Variants in PIP4K2A observed in about 807,000 individuals in gnomAD.
PIP4K2A encodes phosphatidylinositol-5-phosphate 4-kinase type 2 alpha, also known as phosphatidylinositol 5-phosphate 4-kinase type-2 alpha.
In PIP4K2A, 14 loss-of-function variants were observed where a neutral mutation model predicts 42.9. The ratio of observed to expected loss-of-function variants is 0.33; its 90% CI spans 0.22 to 0.51. The LOEUF (loss-of-function observed/expected upper bound fraction) is 0.51. PIP4K2A is among the 20% of genes least tolerant of loss of function. The pLI is 0.97. For synonymous variants in PIP4K2A, 192 were observed against 192.2 expected (o/e 1.00, Z 0.01); for missense variants, 434 against 519.8 (o/e 0.83, Z 1.61).
intron 1 of PIP4K2A, among the ~76,000 whole-genome samples, chr10:22,626,025 G>A (rs1778312): frequency 0.058 from 8,890 of 152,124 alleles, 423 homozygotes; most frequent in African/African-American, 0.13. Context: ...GCTGGACTCT[G>A]GAGTCTTGAA....
chr10:22,650,729 G>C (rs536326499), intron 1 of PIP4K2A, among the ~76,000 whole-genome samples: 14 of 152,306 alleles, frequency 9.2e-5, no homozygotes, highest in Admixed American at 5.2e-4. Flanking sequence ...CTAGCAGGAT[G>C]AGATACATGA....
chr10:22,690,179 A>G (rs974741428), intron 1 of PIP4K2A, among the ~76,000 whole-genome samples: 2 of 149,456 alleles, frequency 1.3e-5, no homozygotes, highest in Non-Finnish European at 3.0e-5. Flanking sequence ...CCTCAAAAAA[A>G]CCCTATTTTG....
At chr10:22,691,010 C>T (rs761831715) in intron 1 of PIP4K2A, among the ~76,000 whole-genome samples, 8 of 152,280 alleles carry the variant, frequency 5.3e-5, no homozygotes, top group East Asian at 3.9e-4. Flanking sequence ...TGGTCCCCCA[C>T]GTAACCCCCT....
intron 1 of PIP4K2A, among the ~76,000 whole-genome samples, chr10:22,697,085 A>G (rs1436430061): frequency 6.6e-6 from 1 of 151,460 alleles, no homozygotes; most frequent in Non-Finnish European, 1.5e-5. Flanking sequence ...TAAGAGCTCT[A>G]CTTTTTTCCT....
At chr10:22,595,892 G>T (rs1317709433) in intron 3 of PIP4K2A, among the ~76,000 whole-genome samples, 1 of 152,012 alleles carries the variant, frequency 6.6e-6, no homozygotes, top group Non-Finnish European at 1.5e-5. Context: ...CTCTACCTTG[G>T]ATCTTTTATG....
intron 1 of PIP4K2A, among the ~76,000 whole-genome samples, chr10:22,634,643 C>T (rs1453340673): frequency 6.6e-6 from 1 of 152,148 alleles, no homozygotes; most frequent in Non-Finnish European, 1.5e-5. Context: ...CTTATGTATT[C>T]CTGTCCAAGG....
chr10:22,581,750 A>G (rs943401569), intron 4 of PIP4K2A, among the ~76,000 whole-genome samples: 4 of 151,926 alleles, frequency 2.6e-5, no homozygotes, highest in Non-Finnish European at 4.4e-5. Flanking sequence ...GGCTTTTTAC[A>G]TTTTTCTCAT....
intron 1 of PIP4K2A, among the ~76,000 whole-genome samples, chr10:22,660,037 C>G (rs577856993): frequency 6.6e-6 from 1 of 152,256 alleles, no homozygotes; most frequent in Admixed American, 6.5e-5. Flanking sequence ...ACCACCCCCA[C>G]AAACTTTGAT....
intron 1 of PIP4K2A, among the ~76,000 whole-genome samples, chr10:22,704,234 T>C (rs902509951): frequency 2.0e-5 from 3 of 151,954 alleles, no homozygotes; most frequent in Non-Finnish European, 4.4e-5. Context: ...ATTTCCAGAC[T>C]GAGCAAAAGA....
intron 1 of PIP4K2A, among the ~76,000 whole-genome samples, chr10:22,653,805 C>T (rs901974781): frequency 2.6e-5 from 4 of 152,220 alleles, no homozygotes; most frequent in African/African-American, 7.2e-5. Context: ...ATCCAGAAGG[C>T]GGAGGTTGCA....
intron 1 of PIP4K2A, among the ~76,000 whole-genome samples, chr10:22,692,244 A>G (rs1839886603): frequency 6.6e-6 from 1 of 152,116 alleles, no homozygotes; most frequent in East Asian, 1.9e-4. Context: ...TGCAGTTCAC[A>G]ATAGGGTTTG....
chr10:22,555,313 C>T (rs1254795137), intron 6 of PIP4K2A, among the ~76,000 whole-genome samples: 2 of 152,128 alleles, frequency 1.3e-5, no homozygotes, highest in Non-Finnish European at 2.9e-5. Context: ...GGTTTCCCAT[C>T]TTTAAAGGGG....
intron 1 of PIP4K2A, among the ~76,000 whole-genome samples, chr10:22,673,644 TA>T (rs948219134): frequency 1.3e-5 from 2 of 151,446 alleles, no homozygotes; most frequent in African/African-American, 4.9e-5. Flanking sequence ...GGAAAAAAAA[TA>T]AAAAATAAAA....
At position 22,664,549 on chromosome 10, in the gene PIP4K2A, T is replaced by C. The variant is rs115285527; in HGVS notation, c.144+49634A>G. On this transcript the variant is annotated intron_variant, in intron 1 of 9. Transcript: ENST00000376573. Reference sequence around the variant, plus strand: ...CTTTTGATCTTACTTATGATAAGCATTGATAAAAGAAGTTTTCGCTCTTAT... The same window carrying C: ...CTTTTGATCTTACTTATGATAAGCACTGATAAAAGAAGTTTTCGCTCTTAT... Among the ~76,000 whole-genome samples, 317 of 152,018 alleles carry C rather than the reference T, an allele frequency of 2.1e-3. 2 individuals are homozygous for C. Among genetic ancestry groups the C allele is most frequent in the African/African-American group, 6.9e-3 (287 of 41,500 alleles).
intron 1 of PIP4K2A, among the ~76,000 whole-genome samples, chr10:22,671,251 A>C (rs1323160352): frequency 6.6e-6 from 1 of 152,236 alleles, no homozygotes; most frequent in East Asian, 1.9e-4. Context: ...TTTGGCAATA[A>C]ACCATTATAG....
chr10:22,579,111 A>G (rs866178929), intron 4 of PIP4K2A, among the ~76,000 whole-genome samples: 1 of 152,240 alleles, frequency 6.6e-6, no homozygotes, highest in Non-Finnish European at 1.5e-5. Flanking sequence ...GGAGGAAAAG[A>G]GGGTACCACA....
chr10:22,681,581 A>G (rs557134378), intron 1 of PIP4K2A, among the ~76,000 whole-genome samples: 1 of 152,316 alleles, frequency 6.6e-6, no homozygotes, highest in African/African-American at 2.4e-5. Context: ...AGGCTGAGGT[A>G]GGAGGATGCC....
chr10:22,546,972 A>G (rs1836271739), intron 7 of PIP4K2A, among the ~76,000 whole-genome samples: 1 of 152,202 alleles, frequency 6.6e-6, no homozygotes. Flanking sequence ...CCAGCTTCTC[A>G]GAAACCACCT....
intron 6 of PIP4K2A, among the ~76,000 whole-genome samples, chr10:22,560,860 G>A (rs1212361334): frequency 6.6e-6 from 1 of 152,194 alleles, no homozygotes; most frequent in East Asian, 1.9e-4. Context: ...TCAAGAACAT[G>A]GGCTTTTTAA....
Sources: allele counts gnomAD v4.1 joint callset (sites outside exome capture counted in the v4.1 genomes callset), GRCh38; gene constraint gnomAD v4.1.1; transcripts MANE v1.5; gene names NCBI Gene and HGNC (gene_info 2026-07-23, HGNC 2026-07-21).